MATN2: variants seen among roughly 807,000 people sequenced by gnomAD.
The protein encoded by MATN2 is matrilin 2.
Under a neutral mutation model 103.2 loss-of-function variants are expected in MATN2, and 69 were observed. That is an observed-to-expected ratio of 0.67 (90% CI 0.55 to 0.82). The LOEUF (loss-of-function observed/expected upper bound fraction) is 0.82. MATN2 is among the 40% of genes least tolerant of loss of function. The probability of loss-of-function intolerance (pLI) is 0.00; values close to 1 mark genes in which losing one functional copy is unlikely to be tolerated. For synonymous variants in MATN2, 429 were observed against 450.2 expected (o/e 0.95, Z 0.60); for missense variants, 1,023 against 1,211.5 (o/e 0.84, Z 2.31).
chr8:97,976,930 G>A (rs533752500), intron 5 of MATN2, among the ~76,000 whole-genome samples: 4 of 151,962 alleles, frequency 2.6e-5, no homozygotes, highest in African/African-American at 9.7e-5. Flanking sequence ...ACCAAGTCTC[G>A]TGTTGAAATT....
At chr8:97,891,978 T>C (rs1192618948) in intron 2 of MATN2, among the ~76,000 whole-genome samples, 2 of 151,986 alleles carry the variant, frequency 1.3e-5, no homozygotes, top group Non-Finnish European at 2.9e-5. Flanking sequence ...GGCTCACACC[T>C]GTAATCCCAG....
intron 2 of MATN2, among the ~76,000 whole-genome samples, chr8:97,914,495 C>A (rs1228877980): frequency 6.7e-6 from 1 of 149,574 alleles, no homozygotes; most frequent in Non-Finnish European, 1.5e-5. Flanking sequence ...TTCAGCCTCC[C>A]ATGTAGCGAG....
rs2130140750 is a variant in MATN2, at chr8:97,931,127, A to G, written c.317A>G (p.Lys106Arg). ...VGLLQYGSTV[K>R]NEFSLKTFKR... Reference sequence around the variant, plus strand: ...CTGCTCCAATATGGCAGCACTGTCAAGAATGAGTTCTCCCTCAAGACCTTC... The same window carrying G: ...CTGCTCCAATATGGCAGCACTGTCAGGAATGAGTTCTCCCTCAAGACCTTC... Residue 106 changes from lysine to arginine, a missense_variant, in exon 3 of 19, where the codon AAG (lysine) becomes AGG (arginine). Physicochemically the swap from Lys to Arg is conservative, Grantham distance 26 (BLOSUM62 2). Transcript: ENST00000254898. The surrounding 1 kb of genome is among the most constrained non-coding windows in gnomAD (Gnocchi z 4.1). 1.2e-6 allele frequency: 2 copies of G among 1,614,042 alleles called. No homozygotes were observed. Among genetic ancestry groups the G allele is most frequent in the East Asian group, 2.2e-5 (1 of 44,884 alleles).
chr8:98,010,943 T>C (rs1215247748), intron 10 of MATN2, among the ~76,000 whole-genome samples: 1 of 152,198 alleles, frequency 6.6e-6, no homozygotes, highest in African/African-American at 2.4e-5. Context: ...AGTGTCTTAG[T>C]CTACTCGGGC....
At chr8:98,016,737 A>C in intron 11 of MATN2, 75 bp downstream of exon 11, 2 of 1,539,340 alleles carry the variant, frequency 1.3e-6, no homozygotes, top group Non-Finnish European at 1.8e-6. Context: ...ATCTCTGTAT[A>C]TATCAGTTCC....
intron 1 of MATN2, among the ~76,000 whole-genome samples, chr8:97,881,521 A>G (rs1347197532): frequency 6.6e-6 from 1 of 152,246 alleles, no homozygotes; most frequent in Non-Finnish European, 1.5e-5. Context: ...AGAAGAGAAA[A>G]ACTGTTAAAA....
intron 8 of MATN2, among the ~76,000 whole-genome samples, chr8:98,004,458 G>C (rs1812896851): frequency 6.6e-6 from 1 of 152,120 alleles, no homozygotes; most frequent in Admixed American, 6.5e-5. Context: ...GTGAACTTGG[G>C]CAAGTTATTT....
chr8:98,010,459 A>T (rs1309099397), intron 10 of MATN2, among the ~76,000 whole-genome samples: 2 of 152,148 alleles, frequency 1.3e-5, no homozygotes, highest in African/African-American at 4.8e-5. Flanking sequence ...CTGACTGCTC[A>T]TCTCTAAACT....
Position 98,033,164 on chromosome 8 carries a change from A to C in MATN2, c.2704A>C (p.Thr902Pro). 1 of 1,603,954 alleles carries C rather than the reference A, an allele frequency of 6.2e-7. No homozygotes were observed. The highest frequency in any genetic ancestry group is 1.1e-5 in the South Asian group (1 of 88,084). ...LRSTQKLSHS[T>P]KPSGSPLEEK... ...GTCTACACAAAAGCTTTCCCATTCA[A>C]CAAAACCTTCAGGTAATTCCAAGTA... Residue 902 changes from threonine to proline, a missense_variant, in exon 17 of 19, where the codon ACA becomes CCA. Transcript: ENST00000254898.
chr8:98,001,462 CTTTTT>C (rs35005441), intron 7 of MATN2, among the ~76,000 whole-genome samples: 3 of 118,912 alleles, frequency 2.5e-5, no homozygotes, highest in Non-Finnish European at 1.7e-5. Context: ...ACACTTTTGT[CTTTTT>C]TTTTTTTTTT....
intron 3 of MATN2, among the ~76,000 whole-genome samples, chr8:97,933,798 C>T (rs990211392): frequency 4.6e-5 from 7 of 152,222 alleles, no homozygotes; most frequent in South Asian, 2.1e-4. Context: ...CTGCACTGCC[C>T]GGCTTTGCTC....
intron 4 of MATN2, 110 bp downstream of exon 4, chr8:97,942,009 A>T (rs1810584838): frequency 2.2e-6 from 3 of 1,352,682 alleles, no homozygotes; most frequent in Non-Finnish European, 3.1e-6. Flanking sequence ...CACCCCAGTT[A>T]TCATCCCTTG....
At chr8:97,941,998 C>T (rs1810584515) in intron 4 of MATN2, 99 bp downstream of exon 4, 1 of 1,428,064 alleles carries the variant, frequency 7.0e-7, no homozygotes, top group Non-Finnish European at 9.7e-7. Flanking sequence ...GATGCCTCAC[C>T]CACCCCAGTT....
intron 2 of MATN2, among the ~76,000 whole-genome samples, chr8:97,894,323 CTTTT>C (rs58988866): frequency 3.4e-5 from 2 of 59,208 alleles, no homozygotes; most frequent in Non-Finnish European, 3.1e-5. Flanking sequence ...AAGAATTCAC[CTTTT>C]TTTTTTTTTT....
At chr8:97,966,638 C>T (rs1405528582) in intron 5 of MATN2, among the ~76,000 whole-genome samples, 1 of 151,932 alleles carries the variant, frequency 6.6e-6, no homozygotes, top group Non-Finnish European at 1.5e-5. Flanking sequence ...AGGTTAGACA[C>T]CACAAGGACA....
At chr8:98,009,740 C>T (rs1171909340) in intron 10 of MATN2, among the ~76,000 whole-genome samples, 1 of 151,892 alleles carries the variant, frequency 6.6e-6, no homozygotes, top group Non-Finnish European at 1.5e-5. Context: ...TGTGGGGGGT[C>T]GGGGAGGGGA....
At chr8:98,018,255 T>A in intron 12 of MATN2, 139 bp downstream of exon 12, 1 of 1,137,912 alleles carries the variant, frequency 8.8e-7, no homozygotes, top group Non-Finnish European at 1.3e-6. Context: ...TGAAAGTGTT[T>A]AGCTAGAGAT....
At chr8:97,995,128 C>G (rs187859152) in intron 7 of MATN2, among the ~76,000 whole-genome samples, 1 of 152,352 alleles carries the variant, frequency 6.6e-6, no homozygotes, top group African/African-American at 2.4e-5. Context: ...CCTCAAATGC[C>G]TGTCATCTAG....
At chr8:97,934,344 G>A (rs2130156975) in intron 3 of MATN2, among the ~76,000 whole-genome samples, 1 of 152,308 alleles carries the variant, frequency 6.6e-6, no homozygotes, top group East Asian at 1.9e-4. Flanking sequence ...AAATGGTAGA[G>A]CCCTATTCAG....
Sources: allele counts gnomAD v4.1 joint callset (sites outside exome capture counted in the v4.1 genomes callset), GRCh38; gene constraint gnomAD v4.1.1; non-coding constraint Gnocchi (gnomAD v3.1); transcripts MANE v1.5; gene names NCBI Gene and HGNC (gene_info 2026-07-23, HGNC 2026-07-21).